Variants in VCL observed in about 807,000 individuals in gnomAD.
VCL encodes epididymis luminal protein 114.
In VCL, 47 loss-of-function variants were observed where a neutral mutation model predicts 125.7. The ratio of observed to expected loss-of-function variants is 0.37; its 90% CI spans 0.30 to 0.48. VCL has a LOEUF of 0.48. Among genes scored for constraint, VCL ranks in the 20% least tolerant of loss-of-function variants. VCL has a pLI of 0.99. For missense variants in VCL, 1,069 were observed against 1,455.5 expected (o/e 0.73, Z 4.32); for synonymous variants, 458 against 514.6 (o/e 0.89, Z 1.49).
chr10:74,045,854 G>A (rs986989982), intron 2 of VCL, among the ~76,000 whole-genome samples: 9 of 151,730 alleles, frequency 5.9e-5, no homozygotes, highest in Admixed American at 6.6e-5. Flanking sequence ...TTACATGGGC[G>A]GTTGTTTTAT....
At chr10:74,037,071 C>T (rs1476882288) in intron 1 of VCL, among the ~76,000 whole-genome samples, 14 of 151,986 alleles carry the variant, frequency 9.2e-5, no homozygotes, top group South Asian at 2.1e-4. Context: ...CCACCACGCC[C>T]GGCTAATTTT....
chr10:74,087,550 C>T (rs1449911105), intron 8 of VCL, among the ~76,000 whole-genome samples: 8 of 133,804 alleles, frequency 6.0e-5, no homozygotes, highest in African/African-American at 1.7e-4. Context: ...TTAGTAGAGA[C>T]GGGGTTTCAG....
chr10:74,000,253 A>G (rs372701717), intron 1 of VCL, among the ~76,000 whole-genome samples: 2 of 95,292 alleles, frequency 2.1e-5, no homozygotes, highest in African/African-American at 3.9e-5. Flanking sequence ...AGGCCTTTGT[A>G]TTTTGCTTTT....
At chr10:74,070,050 T>A (rs1841639855) in intron 2 of VCL, among the ~76,000 whole-genome samples, 1 of 152,218 alleles carries the variant, frequency 6.6e-6, no homozygotes. Context: ...TCCAATGGAT[T>A]TATCAAACAA....
At chr10:74,086,618 A>G (rs1263403156) in intron 8 of VCL, among the ~76,000 whole-genome samples, 3 of 152,222 alleles carry the variant, frequency 2.0e-5, no homozygotes, top group African/African-American at 7.2e-5. Context: ...GGAATTCTCA[A>G]ATACACAGTT....
At chr10:74,011,372 G>A (rs1840433132) in intron 1 of VCL, among the ~76,000 whole-genome samples, 1 of 152,044 alleles carries the variant, frequency 6.6e-6, no homozygotes, top group South Asian at 2.1e-4. Context: ...TCATATACTG[G>A]ATCATCAGTC....
intron 2 of VCL, among the ~76,000 whole-genome samples, chr10:74,050,111 G>GA (rs1474121311): frequency 6.6e-6 from 1 of 152,180 alleles, no homozygotes; most frequent in African/African-American, 2.4e-5. Context: ...ATATGAACTT[G>GA]AAAAGGGCAT....
chr10:74,048,206 C>T (rs1019167473), intron 2 of VCL, among the ~76,000 whole-genome samples: 4 of 152,132 alleles, frequency 2.6e-5, no homozygotes, highest in South Asian at 2.1e-4. Context: ...CGCTAGCTCA[C>T]GCCTATAATC....
chr10:74,033,406 T>C (rs971214772), intron 1 of VCL, among the ~76,000 whole-genome samples: 15 of 152,274 alleles, frequency 9.9e-5, no homozygotes, highest in Non-Finnish European at 2.2e-4. Flanking sequence ...CTAGGTCTCT[T>C]TCTGGAGTGA....
At chr10:74,012,199 A>G (rs988598282) in intron 1 of VCL, among the ~76,000 whole-genome samples, 2 of 152,212 alleles carry the variant, frequency 1.3e-5, no homozygotes, top group African/African-American at 4.8e-5. Context: ...GAACTGGCTC[A>G]TCTTTTATCT....
intron 2 of VCL, among the ~76,000 whole-genome samples, chr10:74,046,050 A>G (rs530416184): frequency 5.9e-5 from 9 of 152,256 alleles, no homozygotes; most frequent in African/African-American, 2.2e-4. Flanking sequence ...TGCTTTATGC[A>G]ACTGTGTTTC....
chr10:74,077,861 A>G (rs188604869), intron 6 of VCL: 333 of 285,084 alleles, frequency 1.2e-3, no homozygotes, highest in Non-Finnish European at 2.0e-3. Context: ...CAAATTGCAC[A>G]TTTACAAATT....
At chr10:74,109,996 T>C (rs7909664) in intron 18 of VCL, among the ~76,000 whole-genome samples, 27,865 of 152,178 alleles carry the variant, frequency 0.18, 3,141 homozygotes, top group African/African-American at 0.32. Context: ...GTCGATTGTA[T>C]TTCCTCAGGG....
chr10:74,082,580 C>G, intron 7 of VCL, 36 bp downstream of exon 7: 1 of 1,602,672 alleles, frequency 6.2e-7, no homozygotes, highest in African/African-American at 1.3e-5. Flanking sequence ...ATCAATACAA[C>G]GAGAAGCTAA....
At chr10:74,013,681 A>C (rs894244919) in intron 1 of VCL, among the ~76,000 whole-genome samples, 4 of 152,118 alleles carry the variant, frequency 2.6e-5, no homozygotes, top group Admixed American at 2.0e-4. Context: ...AAGTTATTTA[A>C]TCTCCATTTC....
chr10:74,098,678 G>A (rs979738431), intron 13 of VCL, among the ~76,000 whole-genome samples: 71 of 152,336 alleles, frequency 4.7e-4, no homozygotes, highest in African/African-American at 1.5e-3. Flanking sequence ...AGGGGTTTGG[G>A]TCAGGTACCC....
Position 74,105,567 on chromosome 10 carries a change from C to G in VCL, c.2434+214C>G, listed in dbSNP as rs371340628. Among the ~76,000 whole-genome samples, 42 of 152,226 alleles carry G rather than the reference C, an allele frequency of 2.8e-4. No homozygotes were observed. In the South Asian group the frequency reaches 8.5e-3, roughly 31 times the overall value. On this transcript the variant is annotated intron_variant, in intron 16 of 21. Coordinates refer to ENST00000211998, the MANE Select transcript of VCL (RefSeq NM_014000.3). The stretch of plus-strand genomic sequence containing the variant: ...TGTTAGTTTTTCTGGACCAACTTCT[C>G]TGTGCTTTCTTTTTTTTTTGAGACT...
At chr10:74,086,409 A>G (rs1839773345) in intron 8 of VCL, among the ~76,000 whole-genome samples, 1 of 152,268 alleles carries the variant, frequency 6.6e-6, no homozygotes, top group South Asian at 2.1e-4. Flanking sequence ...CATTGAGTTC[A>G]GTGAATCTTT....
At chr10:74,106,426 CT>C (rs1840135491) in intron 16 of VCL, among the ~76,000 whole-genome samples, 1 of 152,142 alleles carries the variant, frequency 6.6e-6, no homozygotes, top group South Asian at 2.1e-4. Flanking sequence ...ATCTGTGGGT[CT>C]CCTAGGCCCT....
Sources: gnomAD v4.1 joint callset for allele counts (sites outside exome capture counted in the v4.1 genomes callset) on GRCh38, gnomAD v4.1.1 for gene constraint, MANE v1.5 for transcripts, NCBI Gene and HGNC (gene_info 2026-07-23, HGNC 2026-07-21) for gene names.